The following NDUFA9 variants were observed in gnomAD, a reference collection of about 807,000 sequenced individuals.
NDUFA9 encodes NADH:ubiquinone oxidoreductase subunit A9.
In NDUFA9, 23 loss-of-function variants were observed where a neutral mutation model predicts 45.9. The ratio of observed to expected loss-of-function variants is 0.50; its 90% CI spans 0.36 to 0.71. The LOEUF (loss-of-function observed/expected upper bound fraction) is 0.71, where lower values mean the gene tolerates loss of function less well. Among genes scored for constraint, NDUFA9 ranks in the 30% least tolerant of loss-of-function variants. The pLI is 0.00. For missense variants in NDUFA9, 466 were observed against 488.2 expected, an observed-to-expected ratio of 0.95 and a Z score of 0.43; for synonymous variants, 176 against 170.5, an observed-to-expected ratio of 1.03 and a Z score of -0.25.
At chr12:4,681,603 A>G (rs2137485365) in intron 8 of NDUFA9, among the ~76,000 whole-genome samples, 1 of 148,866 alleles carries the variant, frequency 6.7e-6, no homozygotes, top group Non-Finnish European at 1.5e-5. Context: ...TAATTTATAT[A>G]ATTATCTAAA....
intron 4 of NDUFA9, 71 bp from the exon 5 acceptor site, chr12:4,658,965 T>C (rs1376124498): frequency 7.0e-7 from 1 of 1,431,388 alleles, no homozygotes; most frequent in African/African-American, 1.4e-5. Context: ...ATGAAAACCA[T>C]CTTATCACGT....
chr12:4,654,203 C>A, intron 1 of NDUFA9, 89 bp from the exon 2 acceptor site: 2 of 1,293,284 alleles, frequency 1.5e-6, no homozygotes, highest in Non-Finnish European at 2.1e-6. Context: ...AATAATGTTA[C>A]AAGTTTTTAG....
At chr12:4,652,520 T>A (rs1407982419) in intron 1 of NDUFA9, among the ~76,000 whole-genome samples, 1 of 152,204 alleles carries the variant, frequency 6.6e-6, no homozygotes, top group Non-Finnish European at 1.5e-5. Context: ...CCAGCTTCTG[T>A]GGTCCTCTGT....
chr12:4,693,648 T>C lies in NDUFA9; in HGVS notation c.*6540T>C, dbSNP rs1278203241. 1 of 152,222 alleles carries C rather than the reference T, an allele frequency of 6.6e-6. No homozygotes were observed. Among genetic ancestry groups the C allele is most frequent in the African/African-American group, 2.4e-5 (1 of 41,448 alleles). The allele number at this position is 152,222 out of a possible 1,614,324, so 9.4% of individuals were successfully genotyped here. ...TGGTTTGAGATGGTAACTGAAGTTGTAGAAGTAGATGTTGAGGATGAAGTA... is the reference window on the plus strand; with the variant it reads ...TGGTTTGAGATGGTAACTGAAGTTGCAGAAGTAGATGTTGAGGATGAAGTA... On this transcript the variant is annotated 3_prime_UTR_variant, in exon 11 of 11. Coordinates refer to ENST00000266544, the MANE Select transcript of NDUFA9 (RefSeq NM_005002.5).
intron 3 of NDUFA9, chr12:4,655,635 A>T (rs1487395507): frequency 6.6e-6 from 1 of 152,238 alleles, no homozygotes; most frequent in Non-Finnish European, 1.5e-5. Flanking sequence ...AACATAAAAA[A>T]ATCACAAATA....
At chr12:4,651,830 G>C (rs954098069) in intron 1 of NDUFA9, among the ~76,000 whole-genome samples, 22 of 152,088 alleles carry the variant, frequency 1.4e-4, no homozygotes, top group Non-Finnish European at 2.6e-4. Flanking sequence ...CATTGACCCT[G>C]ATTAAACAAA....
At chr12:4,681,038 C>T (rs933871263) in intron 8 of NDUFA9, among the ~76,000 whole-genome samples, 1 of 151,770 alleles carries the variant, frequency 6.6e-6, no homozygotes, top group Admixed American at 6.6e-5. Context: ...GTAAATGATT[C>T]TGTAAGTAGC....
chr12:4,649,132 G>A lies in NDUFA9; in HGVS notation c.6G>A (p.Ala2=), dbSNP rs781496907. 1 of 1,604,428 alleles carries A rather than the reference G, an allele frequency of 6.2e-7. No individual in the cohort carries two copies. Among genetic ancestry groups the A allele is most frequent in the East Asian group, 2.2e-5 (1 of 44,566 alleles). ...GTGGGGGATTGTGGGAAAAGATGGC[G>A]GCTGCCGCACAATCCCGGGTTGTCC... is the stretch of plus-strand genomic sequence containing the variant. M[A]AAAQSRVVRV... is the part of the protein sequence containing the mutation. The change falls in exon 1 of 11, where the codon GCG becomes GCA. Residue 2 remains alanine (A), a synonymous_variant. Coordinates refer to ENST00000266544, the MANE Select transcript of NDUFA9 (RefSeq NM_005002.5).
chr12:4,664,685 A>G (rs1325614061), intron 6 of NDUFA9, among the ~76,000 whole-genome samples: 1 of 152,182 alleles, frequency 6.6e-6, no homozygotes, highest in East Asian at 1.9e-4. Context: ...CTGCCCCAGT[A>G]GGTCCTAGAA....
chr12:4,665,643 CCA>C (rs1565567806), intron 6 of NDUFA9, among the ~76,000 whole-genome samples: 2 of 152,118 alleles, frequency 1.3e-5, no homozygotes, highest in African/African-American at 4.8e-5. Flanking sequence ...TTTCGACAAG[CCA>C]CCATAGTGTA....
Position 4,668,429 on chromosome 12 carries a change from G to A in NDUFA9, c.656-28G>A, listed in dbSNP as rs747603490. 1.9e-6 allele frequency: 3 copies of A among 1,582,272 alleles called. No homozygotes were observed. The East Asian group carries it at 6.7e-5, about 35-fold the overall frequency. On this transcript the variant is annotated intron_variant, in intron 6 of 10. Coordinates refer to ENST00000266544, the MANE Select transcript of NDUFA9 (RefSeq NM_005002.5). Reference sequence around the variant, plus strand: ...TCTTACAGCAATTTAAGCCTTCTCAGTATAGTTCTCATTCTTTCTTCCGCT... The same window carrying A: ...TCTTACAGCAATTTAAGCCTTCTCAATATAGTTCTCATTCTTTCTTCCGCT...
In NDUFA9 at chr12:4,649,154, G is replaced by A. The variant is rs760652344; in HGVS notation, c.28G>A (p.Val10Ile). The change falls in exon 1 of 11, where the codon GTC (valine) becomes ATC (isoleucine). Residue 10 changes from valine to isoleucine, a missense_variant. Val to Ile is a conservative substitution (Grantham distance 29, BLOSUM62 3). Coordinates refer to ENST00000266544, the MANE Select transcript of NDUFA9 (RefSeq NM_005002.5). The stretch of plus-strand genomic sequence containing the variant: ...GGCGGCTGCCGCACAATCCCGGGTT[G>A]TCCGGGTCCTGTCAATGTCACGTAA... MAAAAQSRV[V>I]RVLSMSRSAI... is the part of the protein sequence containing the mutation. 2 of 1,605,600 alleles carry A rather than the reference G, an allele frequency of 1.2e-6. No individual in the cohort carries two copies. The highest frequency in any genetic ancestry group is 2.2e-5 in the East Asian group (1 of 44,618).
intron 6 of NDUFA9, 86 bp from the exon 7 acceptor site, chr12:4,668,371 C>A: frequency 9.2e-7 from 1 of 1,082,972 alleles, no homozygotes; most frequent in East Asian, 2.4e-5. Flanking sequence ...TTCTATTATG[C>A]ACAATAATTA....
intron 3 of NDUFA9, among the ~76,000 whole-genome samples, chr12:4,656,391 A>G (rs1429275939): frequency 2.0e-5 from 3 of 152,262 alleles, no homozygotes; most frequent in Non-Finnish European, 4.4e-5. Flanking sequence ...CTTTTGAACC[A>G]TTGGAATTAA....
intron 8 of NDUFA9, among the ~76,000 whole-genome samples, chr12:4,676,913 A>T (rs974081240): frequency 6.6e-6 from 1 of 152,250 alleles, no homozygotes; most frequent in Non-Finnish European, 1.5e-5. Context: ...CTACAAGGCT[A>T]CAGTAACCAA....
chr12:4,676,381 T>G (rs1347597184), intron 8 of NDUFA9, among the ~76,000 whole-genome samples: 5 of 152,204 alleles, frequency 3.3e-5, no homozygotes, highest in African/African-American at 1.2e-4. Flanking sequence ...TGATTGTATA[T>G]TTAGAAAACT....
At chr12:4,668,621 C>A in intron 7 of NDUFA9, 97 bp downstream of exon 7, 2 of 1,130,112 alleles carry the variant, frequency 1.8e-6, no homozygotes, top group South Asian at 1.3e-5. Context: ...GTAACTCTGT[C>A]ATTTTCTTTG....
At chr12:4,668,758 A>G (rs1006714105) in intron 7 of NDUFA9, 9 of 509,220 alleles carry the variant, frequency 1.8e-5, no homozygotes, top group Non-Finnish European at 2.8e-5. Flanking sequence ...TACATGTCAC[A>G]TGTCACTAGG....
Position 4,654,435 on chromosome 12 carries a change from C to T in NDUFA9, c.193C>T (p.Leu65=). ...CACTGTGTTTGGAGCAACAGGATTC[C>T]TGGGGCGATATGTTGTCAACCACCT... ...VATVFGATGF[L]GRYVVNHLGR... Residue 65 remains leucine (L), a synonymous_variant, in exon 2 of 11, where the codon CTG becomes TTG. Coordinates refer to ENST00000266544, the MANE Select transcript of NDUFA9 (RefSeq NM_005002.5). The T allele has an allele frequency of 6.2e-7, 1 of 1,614,076 alleles. No individual in the cohort carries two copies. The highest frequency in any genetic ancestry group is 8.5e-7 in the Non-Finnish European group (1 of 1,179,986).
Sources: gnomAD v4.1 joint callset for allele counts (sites outside exome capture counted in the v4.1 genomes callset) on GRCh38, gnomAD v4.1.1 for gene constraint, MANE v1.5 for transcripts, NCBI Gene and HGNC (gene_info 2026-07-23, HGNC 2026-07-21) for gene names.